ATP6V1H: variants seen among roughly 807,000 people sequenced by gnomAD.
ATP6V1H encodes the protein ATPase H+ transporting V1 subunit H.
Under a neutral mutation model 71.7 loss-of-function variants are expected in ATP6V1H, and 39 were observed. The ratio of observed to expected loss-of-function variants is 0.54; its 90% CI spans 0.42 to 0.71. ATP6V1H has a LOEUF of 0.71. Ranked by LOEUF, ATP6V1H falls within the 30% of genes least tolerant of loss-of-function variation. The pLI, the probability that ATP6V1H is intolerant of heterozygous loss-of-function variation, is 0.00. For synonymous variants in ATP6V1H, 192 were observed against 199.3 expected (o/e 0.96, Z 0.31); for missense variants, 509 against 594.9 (o/e 0.86, Z 1.50).
At chr8:53,803,434 TAAGG>T (rs1809979820) in intron 7 of ATP6V1H, among the ~76,000 whole-genome samples, 1 of 152,136 alleles carries the variant, frequency 6.6e-6, no homozygotes, top group Non-Finnish European at 1.5e-5. Context: ...AAGAATTTCT[TAAGG>T]AAAGAATCAC....
chr8:53,763,433 T>C lies in ATP6V1H; in HGVS notation c.1175+6185A>G, dbSNP rs141780815. Among the ~76,000 whole-genome samples, 334 of 152,248 alleles carry C rather than the reference T, an allele frequency of 2.2e-3. 1 individual carries two copies. The highest frequency in any genetic ancestry group is 7.8e-3 in the African/African-American group (323 of 41,554). The stretch of plus-strand genomic sequence containing the variant: ...ATCTACAAAACACTGTTGAAAGAAA[T>C]TAAATACGATGTAAACAAATCAGAA... On this transcript the variant is annotated intron_variant, in intron 11 of 13. Transcript: ENST00000359530.
chr8:53,777,836 A>T (rs1399289032), intron 9 of ATP6V1H, among the ~76,000 whole-genome samples: 1 of 152,218 alleles, frequency 6.6e-6, no homozygotes, highest in Non-Finnish European at 1.5e-5. Flanking sequence ...GGCTAAAGAA[A>T]ATTCTGCAGC....
At chr8:53,774,702 G>GAA (rs976230753) in intron 9 of ATP6V1H, among the ~76,000 whole-genome samples, 9 of 146,688 alleles carry the variant, frequency 6.1e-5, no homozygotes, top group African/African-American at 2.5e-5. Context: ...GTCTAGATAT[G>GAA]AAAAAAAAAA....
intron 8 of ATP6V1H, among the ~76,000 whole-genome samples, chr8:53,798,233 C>A (rs1162373827): frequency 1.3e-5 from 2 of 151,934 alleles, no homozygotes; most frequent in Non-Finnish European, 2.9e-5. Flanking sequence ...TTTTTTAAGA[C>A]CTCAGTTATC....
At chr8:53,841,472 C>A in intron 2 of ATP6V1H, 106 bp downstream of exon 2, 1 of 1,311,772 alleles carries the variant, frequency 7.6e-7, no homozygotes, top group Non-Finnish European at 1.1e-6. Context: ...GTTTCTTCCA[C>A]ATTTTTCAGT....
At chr8:53,748,726 A>C (rs1382805320) in intron 12 of ATP6V1H, among the ~76,000 whole-genome samples, 1 of 152,244 alleles carries the variant, frequency 6.6e-6, no homozygotes, top group Admixed American at 6.5e-5. Flanking sequence ...AATCATTTTT[A>C]TCTCATACTT....
chr8:53,721,309 C>T (rs1806602770), intron 13 of ATP6V1H, among the ~76,000 whole-genome samples: 1 of 152,070 alleles, frequency 6.6e-6, no homozygotes, highest in Non-Finnish European at 1.5e-5. Flanking sequence ...TACATAACAG[C>T]TGAACCATAT....
At chr8:53,775,018 C>G (rs1343871222) in intron 9 of ATP6V1H, among the ~76,000 whole-genome samples, 1 of 152,218 alleles carries the variant, frequency 6.6e-6, no homozygotes, top group Non-Finnish European at 1.5e-5. Context: ...AATGAAGCCG[C>G]GGACCCTCGC....
Position 53,762,754 on chromosome 8 carries a change from C to G in ATP6V1H, c.1176-6098G>C, listed in dbSNP as rs865868500. 3.9e-5 allele frequency among the ~76,000 whole-genome samples: 6 copies of G among 152,302 alleles called. No individual in the cohort carries two copies. The Middle Eastern group carries it at 0.01, about 261-fold the overall frequency. On this transcript the variant is annotated intron_variant, in intron 11 of 13. Coordinates refer to ENST00000359530, the MANE Select transcript of ATP6V1H (RefSeq NM_015941.4). ...TTGAAAAAGTGAGAAGTAAAACTCT[C>G]TATTCACAGATGACATAATCTTGTA...
intron 13 of ATP6V1H, among the ~76,000 whole-genome samples, chr8:53,723,289 A>G (rs1806688404): frequency 6.6e-6 from 1 of 152,154 alleles, no homozygotes. Flanking sequence ...CAACTGGTAT[A>G]CAAGTCTCAC....
chr8:53,754,096 C>T (rs1807906137), intron 12 of ATP6V1H, among the ~76,000 whole-genome samples: 1 of 152,196 alleles, frequency 6.6e-6, no homozygotes, highest in Non-Finnish European at 1.5e-5. Context: ...AAACCCCAAT[C>T]TCTCATATGG....
intron 4 of ATP6V1H, among the ~76,000 whole-genome samples, chr8:53,826,821 C>T (rs751860646): frequency 5.9e-5 from 9 of 151,538 alleles, no homozygotes; most frequent in Non-Finnish European, 1.2e-4. Flanking sequence ...GGAATGATGC[C>T]GGGTGCCTGT....
At position 53,801,876 on chromosome 8, in the gene ATP6V1H, G is replaced by A. The variant is rs150026891; in HGVS notation, c.600C>T (p.Cys200=). ...GCATCAGCTGCAAACACCCGGCCAC[G>A]CACTGCACATACTGCGAACTCTGCA... ...SSSDSSQYVQ[C]VAGCLQLMLR... The change falls in exon 8 of 14, where the codon TGC becomes TGT. Residue 200 remains cysteine, a synonymous_variant. Transcript: ENST00000359530. 40 of 1,613,768 alleles carry A rather than the reference G, an allele frequency of 2.5e-5. No individual in the cohort carries two copies. The highest frequency in any genetic ancestry group is 2.1e-4 in the African/African-American group (16 of 74,994).
At chr8:53,733,248 C>T (rs924714551) in intron 13 of ATP6V1H, among the ~76,000 whole-genome samples, 1 of 152,234 alleles carries the variant, frequency 6.6e-6, no homozygotes, top group South Asian at 2.1e-4. Context: ...TAGCATCAGA[C>T]TAGCTCCTGA....
intron 9 of ATP6V1H, 57 bp downstream of exon 9, chr8:53,795,590 A>C: frequency 2.6e-6 from 4 of 1,526,404 alleles, no homozygotes; most frequent in Non-Finnish European, 3.6e-6. Flanking sequence ...AAAAACTCAA[A>C]TATACTGCAC....
chr8:53,738,253 C>A (rs1006130439), intron 13 of ATP6V1H, among the ~76,000 whole-genome samples: 1 of 150,742 alleles, frequency 6.6e-6, no homozygotes, highest in African/African-American at 2.5e-5. Flanking sequence ...GCCAAGATCA[C>A]GCCACTGCAT....
chr8:53,823,100 A>G (rs1417815666), intron 4 of ATP6V1H, among the ~76,000 whole-genome samples: 1 of 152,176 alleles, frequency 6.6e-6, no homozygotes, highest in Admixed American at 6.5e-5. Flanking sequence ...ACAAAAAGTA[A>G]AGGTATAGAA....
At chr8:53,737,165 A>G (rs1359684355) in intron 13 of ATP6V1H, among the ~76,000 whole-genome samples, 3 of 152,248 alleles carry the variant, frequency 2.0e-5, no homozygotes. Flanking sequence ...TCCCAGCCGA[A>G]TACAGCCACT....
chr8:53,814,038 A>C (rs918759845), intron 6 of ATP6V1H, among the ~76,000 whole-genome samples: 2 of 152,160 alleles, frequency 1.3e-5, no homozygotes, highest in Non-Finnish European at 2.9e-5. Flanking sequence ...TTAGCTAATA[A>C]TGATCTAGAA....
Sources: gnomAD v4.1 joint callset for allele counts (sites outside exome capture counted in the v4.1 genomes callset) on GRCh38, gnomAD v4.1.1 for gene constraint, MANE v1.5 for transcripts, NCBI Gene and HGNC (gene_info 2026-07-23, HGNC 2026-07-21) for gene names.